CATSPERB: variants seen among roughly 807,000 people sequenced by gnomAD.
CATSPERB encodes the protein cation channel sperm-associated auxiliary subunit beta.
A neutral mutation model predicts 128.3 loss-of-function variants in CATSPERB; 93 were observed. That is an observed-to-expected ratio of 0.72 (90% CI 0.61 to 0.86). The LOEUF (loss-of-function observed/expected upper bound fraction) is 0.86. CATSPERB is among the 40% of genes least tolerant of loss of function. The pLI is 0.00. For synonymous variants in CATSPERB, 381 were observed against 448.8 expected (o/e 0.85, Z 1.91); for missense variants, 1,153 against 1,329.5 (o/e 0.87, Z 2.06).
At chr14:91,602,936 CTTCT>C (rs908325583) in intron 22 of CATSPERB, among the ~76,000 whole-genome samples, 41 of 152,090 alleles carry the variant, frequency 2.7e-4, no homozygotes, top group African/African-American at 6.0e-4. Flanking sequence ...TCTTTGCTTC[CTTCT>C]TTCTCTTCTT....
rs369156842 is a variant in CATSPERB, at chr14:91,674,223, C to G, written c.932-1G>C. ...TCAAAGGTAACTGTAACATAATCAACTGTGAAATAAATACAAGGGTACAGG... is the reference window on the plus strand; with the variant it reads ...TCAAAGGTAACTGTAACATAATCAAGTGTGAAATAAATACAAGGGTACAGG... On this transcript the variant is annotated splice_acceptor_variant, in intron 11 of 26. Transcript: ENST00000256343. LOFTEE classifies it high-confidence loss of function. The G allele has an allele frequency of 2.6e-6, 4 of 1,536,374 alleles. No homozygotes were observed. Among genetic ancestry groups the G allele is most frequent in the Non-Finnish European group, 3.6e-6 (4 of 1,116,846 alleles).
chr14:91,698,030 G>A (rs758768671), intron 7 of CATSPERB, among the ~76,000 whole-genome samples: 60 of 152,112 alleles, frequency 3.9e-4, no homozygotes, highest in Non-Finnish European at 7.2e-4. Context: ...TTTTCCATTC[G>A]TTTGTATCAT....
intron 7 of CATSPERB, 90 bp downstream of exon 7, chr14:91,704,462 G>A (rs1390704309): frequency 2.2e-6 from 3 of 1,353,516 alleles, no homozygotes; most frequent in Non-Finnish European, 1.0e-6. Flanking sequence ...CCTTCCCTAT[G>A]TCTATGCATT....
chr14:91,688,575 T>TTCTGGA (rs1895414346), intron 10 of CATSPERB, among the ~76,000 whole-genome samples: 1 of 152,206 alleles, frequency 6.6e-6, no homozygotes, highest in Non-Finnish European at 1.5e-5. Context: ...CTGTTAGCCC[T>TTCTGGA]TCTGGATCTC....
At chr14:91,624,784 C>A in intron 18 of CATSPERB, 36 bp downstream of exon 18, 1 of 1,405,722 alleles carries the variant, frequency 7.1e-7, no homozygotes. Flanking sequence ...TCATTTTTTT[C>A]TAGCCATCAG....
chr14:91,611,657 CA>C (rs1566703129), intron 20 of CATSPERB, among the ~76,000 whole-genome samples: 1 of 151,700 alleles, frequency 6.6e-6, no homozygotes, highest in Non-Finnish European at 1.5e-5. Flanking sequence ...AAACCAAAAA[CA>C]AAAAAAGAAA....
At chr14:91,630,249 T>A (rs920515554) in intron 17 of CATSPERB, among the ~76,000 whole-genome samples, 1 of 152,200 alleles carries the variant, frequency 6.6e-6, no homozygotes, top group Non-Finnish European at 1.5e-5. Flanking sequence ...CTCCTTCTCA[T>A]CCTTCTTTGC....
At chr14:91,729,562 G>GTTGTT in intron 1 of CATSPERB, 83 bp from the exon 2 acceptor site, 1 of 651,290 alleles carries the variant, frequency 1.5e-6, no homozygotes, top group Non-Finnish European at 2.6e-6. Context: ...CTACAAAGTA[G>GTTGTT]TAAAGAAATA....
At chr14:91,678,594 A>C (rs1895229665) in intron 11 of CATSPERB, among the ~76,000 whole-genome samples, 2 of 152,238 alleles carry the variant, frequency 1.3e-5, no homozygotes, top group Non-Finnish European at 1.5e-5. Flanking sequence ...CTTCAAGTGC[A>C]CATGCATCTT....
intron 10 of CATSPERB, among the ~76,000 whole-genome samples, chr14:91,690,852 C>A (rs1431318589): frequency 6.6e-6 from 1 of 152,248 alleles, no homozygotes; most frequent in Admixed American, 6.5e-5. Context: ...GGTCCATAGC[C>A]ATCTGCTCAC....
intron 20 of CATSPERB, among the ~76,000 whole-genome samples, chr14:91,611,776 A>G (rs186379409): frequency 6.6e-5 from 10 of 152,340 alleles, no homozygotes; most frequent in Admixed American, 2.0e-4. Context: ...GTGGATGCCT[A>G]TGTGAGGTAT....
intron 22 of CATSPERB, chr14:91,603,222 A>G: frequency 3.5e-6 from 3 of 859,166 alleles, no homozygotes; most frequent in Non-Finnish European, 4.1e-6. Context: ...AAAATAGGGC[A>G]TTCTTTTCAT....
intron 17 of CATSPERB, among the ~76,000 whole-genome samples, chr14:91,625,983 G>C (rs1041354708): frequency 1.3e-5 from 2 of 152,138 alleles, no homozygotes; most frequent in African/African-American, 4.8e-5. Flanking sequence ...AAATTAACCA[G>C]GTATGGTGGC....
At chr14:91,725,983 G>A (rs921429121) in intron 2 of CATSPERB, among the ~76,000 whole-genome samples, 1 of 152,094 alleles carries the variant, frequency 6.6e-6, no homozygotes, top group African/African-American at 2.4e-5. Flanking sequence ...AAGAGAAGGA[G>A]CATCTAAATG....
At chr14:91,639,399 TTTG>T in intron 15 of CATSPERB, 149 bp from the exon 16 acceptor site, 1 of 650,022 alleles carries the variant, frequency 1.5e-6, no homozygotes. Context: ...CATGTTAGTT[TTTG>T]TTAAGTCCCT....
At chr14:91,632,061 G>A (rs1894288076) in intron 17 of CATSPERB, among the ~76,000 whole-genome samples, 1 of 151,942 alleles carries the variant, frequency 6.6e-6, no homozygotes, top group East Asian at 1.9e-4. Flanking sequence ...AAAAAGGTGG[G>A]ACAAATAGAA....
At chr14:91,716,911 A>G (rs1440945960) in intron 5 of CATSPERB, among the ~76,000 whole-genome samples, 1 of 152,218 alleles carries the variant, frequency 6.6e-6, no homozygotes, top group Non-Finnish European at 1.5e-5. Flanking sequence ...GGTATTAGCT[A>G]AATGCAACAA....
intron 13 of CATSPERB, among the ~76,000 whole-genome samples, chr14:91,671,832 C>T (rs1895094987): frequency 6.6e-6 from 1 of 151,806 alleles, no homozygotes; most frequent in Non-Finnish European, 1.5e-5. Context: ...GAGATCGAGA[C>T]CACGGTGAAA....
In CATSPERB at chr14:91,628,041, G is replaced by T. The variant is rs58812246; in HGVS notation, c.1743-3034C>A. On this transcript the variant is annotated intron_variant, in intron 17 of 26. Coordinates refer to ENST00000256343, the MANE Select transcript of CATSPERB (RefSeq NM_024764.4). ...ATCTTCAGTGATTAAGAATCATTCT[G>T]CCCTTTCTGGTGGGAGGGGGCAAAG... Among the ~76,000 whole-genome samples the T allele has an allele frequency of 3.0e-3, 458 of 152,288 alleles. 1 individual carries two copies. Among genetic ancestry groups the T allele is most frequent in the African/African-American group, 0.01 (431 of 41,562 alleles).
Sources: gnomAD v4.1 joint callset for allele counts (sites outside exome capture counted in the v4.1 genomes callset) on GRCh38, gnomAD v4.1.1 for gene constraint, MANE v1.5 for transcripts, NCBI Gene and HGNC (gene_info 2026-07-23, HGNC 2026-07-21) for gene names.